CHODL: variants seen among roughly 807,000 people sequenced by gnomAD.
The protein encoded by CHODL is chondrolectin, also known as transmembrane protein MT75.
Under a neutral mutation model 34.5 loss-of-function variants are expected in CHODL, and 29 were observed. The observed-to-expected ratio is 0.84, with a 90% CI of 0.63 to 1.15. The LOEUF (loss-of-function observed/expected upper bound fraction) is 1.15, where lower values mean the gene tolerates loss of function less well. Among genes scored for constraint, CHODL ranks in the 50% most tolerant of loss-of-function variants. CHODL has a pLI of 0.00. For missense variants in CHODL, 332 were observed against 332.5 expected, an observed-to-expected ratio of 1.00 and a Z score of 0.01; for synonymous variants, 125 against 116.1, an observed-to-expected ratio of 1.08 and a Z score of -0.49.
At chr21:17,933,665 ATC>A (rs1479443542) in intron 1 of CHODL, among the ~76,000 whole-genome samples, 1 of 134,014 alleles carries the variant, frequency 7.5e-6, no homozygotes, top group African/African-American at 2.4e-5. Flanking sequence ...TAACAATCCG[ATC>A]TCTCTTTCTT....
At chr21:18,103,548 G>A (rs573057628) in intron 2 of CHODL, among the ~76,000 whole-genome samples, 6 of 152,246 alleles carry the variant, frequency 3.9e-5, no homozygotes, top group Non-Finnish European at 7.4e-5. Context: ...GGCATAGCTG[G>A]TGTTTCCTCA....
In CHODL at chr21:18,003,038, G is replaced by A. The variant is rs557188150; in HGVS notation, c.-144-24834G>A. Among the ~76,000 whole-genome samples the A allele has an allele frequency of 6.6e-5, 10 of 151,784 alleles. No individual in the cohort carries two copies. In the East Asian group the frequency reaches 9.7e-4, roughly 15 times the overall value. On this transcript the variant is annotated intron_variant, in intron 1 of 6. Transcript: ENST00000400127. ...CTCGGGAGGCTGAGGCAGGAGAATG[G>A]CGTGAACCCCGGGGGGCGGAGTGTG... is the stretch of plus-strand genomic sequence containing the variant.
intron 2 of CHODL, among the ~76,000 whole-genome samples, chr21:18,167,053 T>A (rs898874496): frequency 1.3e-5 from 2 of 152,170 alleles, no homozygotes; most frequent in African/African-American, 4.8e-5. Flanking sequence ...GTTTTGTTTT[T>A]CTATTTCAGA....
chr21:18,039,225 T>C (rs925161906), intron 2 of CHODL, among the ~76,000 whole-genome samples: 17 of 151,774 alleles, frequency 1.1e-4, no homozygotes, highest in Admixed American at 2.0e-4. Flanking sequence ...ATATCTGTTA[T>C]TTATCAACTC....
rs185396753 is a variant in CHODL at position 18,060,155 on chromosome 21, C to G, written c.-45+32184C>G. Among the ~76,000 whole-genome samples the G allele has an allele frequency of 1.1e-3, 165 of 152,124 alleles. 1 individual carries two copies. The highest frequency in any genetic ancestry group is 3.7e-3 in the African/African-American group (155 of 41,522). On this transcript the variant is annotated intron_variant, in intron 2 of 6. Transcript: ENST00000400127. ...GTTCTCTCCTGAAGCCACGGGGACA[C>G]CTTTAAAATGTCAAACTAGCCAGGC...
intron 2 of CHODL, among the ~76,000 whole-genome samples, chr21:18,150,481 C>A (rs2072950023): frequency 6.6e-6 from 1 of 152,042 alleles, no homozygotes; most frequent in African/African-American, 2.4e-5. Flanking sequence ...GGCCGGTATC[C>A]CAAGATCACA....
chr21:18,077,801 A>G (rs1168794057), intron 2 of CHODL, among the ~76,000 whole-genome samples: 1 of 152,172 alleles, frequency 6.6e-6, no homozygotes, highest in East Asian at 1.9e-4. Flanking sequence ...TGTGTTTCTA[A>G]GCCACTAAGT....
chr21:18,262,760 C>G (rs569778144), intron 4 of CHODL, 31 bp from the exon 5 acceptor site: 1 of 1,241,018 alleles, frequency 8.1e-7, no homozygotes, highest in South Asian at 1.3e-5. Flanking sequence ...CCTCAACTAT[C>G]TTTTCACATG....
intron 2 of CHODL, among the ~76,000 whole-genome samples, chr21:18,091,259 C>A (rs2065069812): frequency 6.6e-6 from 1 of 152,188 alleles, no homozygotes; most frequent in Non-Finnish European, 1.5e-5. Context: ...CCCAGGTAAA[C>A]CTGAAAAGCA....
intron 1 of CHODL, among the ~76,000 whole-genome samples, chr21:17,980,712 T>G (rs2063706942): frequency 6.6e-6 from 1 of 152,154 alleles, no homozygotes; most frequent in Admixed American, 6.6e-5. Context: ...GAGAAAGAAC[T>G]TACAGTTAAA....
chr21:17,922,463 G>A (rs908564968), intron 1 of CHODL, among the ~76,000 whole-genome samples: 1 of 152,130 alleles, frequency 6.6e-6, no homozygotes, highest in African/African-American at 2.4e-5. Context: ...AATAGATGAG[G>A]CTGAAGAATC....
At chr21:18,148,195 A>G (rs1463976864) in intron 2 of CHODL, among the ~76,000 whole-genome samples, 2 of 152,182 alleles carry the variant, frequency 1.3e-5, no homozygotes, top group African/African-American at 4.8e-5. Context: ...TATTTTTGGT[A>G]GAGATTTTTA....
intron 2 of CHODL, among the ~76,000 whole-genome samples, chr21:18,117,906 T>A (rs2065432731): frequency 6.6e-6 from 1 of 152,182 alleles, no homozygotes; most frequent in South Asian, 2.1e-4. Flanking sequence ...TATTTCCACA[T>A]TTGGCTTGCT....
intron 2 of CHODL, among the ~76,000 whole-genome samples, chr21:18,186,166 C>T (rs1263264565): frequency 1.3e-5 from 2 of 152,064 alleles, no homozygotes; most frequent in South Asian, 2.1e-4. Context: ...CAGAACGACC[C>T]TACCGACTGC....
intron 2 of CHODL, among the ~76,000 whole-genome samples, chr21:18,143,449 A>G (rs567092821): frequency 8.4e-4 from 128 of 152,146 alleles, no homozygotes; most frequent in Non-Finnish European, 1.5e-3. Context: ...TTCCTTGTCT[A>G]TTTCTGTCAA....
chr21:18,140,780 T>C (rs770726630), intron 2 of CHODL, among the ~76,000 whole-genome samples: 1 of 152,122 alleles, frequency 6.6e-6, no homozygotes, highest in South Asian at 2.1e-4. Flanking sequence ...TATATAATTA[T>C]ATACATATAA....
chr21:18,014,804 C>T (rs2064055869), intron 1 of CHODL, among the ~76,000 whole-genome samples: 1 of 152,150 alleles, frequency 6.6e-6, no homozygotes, highest in Non-Finnish European at 1.5e-5. Flanking sequence ...TCCTGTAAGT[C>T]CTGTAGAACT....
intron 2 of CHODL, among the ~76,000 whole-genome samples, chr21:18,086,559 T>A (rs1347711294): frequency 6.6e-6 from 1 of 152,172 alleles, no homozygotes; most frequent in Non-Finnish European, 1.5e-5. Context: ...TTGGCTTTAA[T>A]TTTGTGTGAC....
chr21:18,216,898 C>T (rs2073835306), intron 2 of CHODL, among the ~76,000 whole-genome samples: 1 of 152,124 alleles, frequency 6.6e-6, no homozygotes, highest in Non-Finnish European at 1.5e-5. Flanking sequence ...CCCATCACCT[C>T]CCAACAGGTT....
Sources: gnomAD v4.1 joint callset for allele counts (sites outside exome capture counted in the v4.1 genomes callset) on GRCh38, gnomAD v4.1.1 for gene constraint, MANE v1.5 for transcripts, NCBI Gene and HGNC (gene_info 2026-07-23, HGNC 2026-07-21) for gene names.